The following LMTK2 variants were observed in gnomAD, a reference collection of about 807,000 sequenced individuals.
LMTK2 encodes serine/threonine-protein kinase LMTK2.
A neutral mutation model predicts 127.5 loss-of-function variants in LMTK2; 37 were observed. That is an observed-to-expected ratio of 0.29 (90% CI 0.22 to 0.38). The LOEUF (loss-of-function observed/expected upper bound fraction) is 0.38. LMTK2 is among the 10% of genes least tolerant of loss of function. The pLI is 1.00. For missense variants in LMTK2, 1,694 were observed against 1,920.3 expected (o/e 0.88, Z 2.20); for synonymous variants, 819 against 810.1 (o/e 1.01, Z -0.19).
At position 98,107,022 on chromosome 7, in the gene LMTK2, GC is replaced by G; in HGVS notation, c.-154del. ...CTGGAGCGGCAGGTGCGGACCGGGA[GC>G]CGGACCGAGGTTTGGCAGAAGCAAC... On this transcript the variant is annotated 5_prime_UTR_variant, in exon 1 of 14. An upstream open reading frame in the 5' UTR loses its in-frame stop. Transcript: ENST00000297293. The G allele has an allele frequency of 2.0e-6, 1 of 508,298 alleles. No homozygotes were observed. 31.5% of individuals were successfully genotyped at this position (508,298 alleles called of 1,614,324 possible).
chr7:98,132,260 T>TC (rs1562899845), intron 1 of LMTK2, among the ~76,000 whole-genome samples: 1 of 152,094 alleles, frequency 6.6e-6, no homozygotes, highest in Non-Finnish European at 1.5e-5. Context: ...AACCAACTTT[T>TC]TTTTTTTTGA....
intron 13 of LMTK2, among the ~76,000 whole-genome samples, chr7:98,204,592 C>T (rs1584303966): frequency 6.6e-6 from 1 of 152,294 alleles, no homozygotes; most frequent in Middle Eastern, 3.4e-3. Context: ...GTGCCACTGC[C>T]CTCCAGCATG....
chr7:98,160,664 G>A (rs1042304386), intron 6 of LMTK2, among the ~76,000 whole-genome samples: 1 of 152,154 alleles, frequency 6.6e-6, no homozygotes. Context: ...CTTCTGATTT[G>A]GGGGAAGGAG....
rs933455168 is a variant in LMTK2, at chr7:98,206,689, C to A, written c.*1197C>A. 6.6e-6 allele frequency: 1 copy of A among 152,198 alleles called. No homozygotes were observed. The highest frequency in any genetic ancestry group is 1.5e-5 in the Non-Finnish European group (1 of 68,100). The allele number at this position is 152,198 out of a possible 1,614,324, so 9.4% of individuals were successfully genotyped here. ...TCGACTTGATGATGTGTGCACACTT[C>A]AGGTGGTGGGGACTTGAGCTTTAAA... On this transcript the variant is annotated 3_prime_UTR_variant, in exon 14 of 14. Coordinates refer to ENST00000297293, the MANE Select transcript of LMTK2 (RefSeq NM_014916.4).
chr7:98,205,376 TG>T, intron 13 of LMTK2, 87 bp from the exon 14 acceptor site: 1 of 1,496,094 alleles, frequency 6.7e-7, no homozygotes, highest in African/African-American at 1.4e-5. Context: ...TCCGTTCCTG[TG>T]GTGCAGCGCA....
chr7:98,166,051 C>A (rs1424859485), intron 6 of LMTK2, among the ~76,000 whole-genome samples: 1 of 152,256 alleles, frequency 6.6e-6, no homozygotes, highest in Admixed American at 6.5e-5. Flanking sequence ...TGGCCCTCCC[C>A]ACGCCTGGCT....
chr7:98,189,555 A>AGT (rs969811092), intron 9 of LMTK2, among the ~76,000 whole-genome samples: 4 of 152,144 alleles, frequency 2.6e-5, no homozygotes, highest in Admixed American at 6.5e-5. Flanking sequence ...CTGACCTAGC[A>AGT]GTGTGTGTGT....
chr7:98,191,925 A>T lies in LMTK2; in HGVS notation c.1460A>T (p.Asp487Val), dbSNP rs773741738. ...VWEAAKHDHF[D>V]ERSRGHLDEG... ...GAGGCCGCTAAGCACGACCACTTTG[A>T]CGAGCGCAGCCGGGGCCACCTGGAC... The change falls in exon 11 of 14, where the codon GAC becomes GTC. Residue 487 changes from aspartate (D) to valine (V), a missense_variant. By Grantham distance (152) the Asp-to-Val change is radical. Transcript: ENST00000297293. 1 of 1,614,042 alleles carries T rather than the reference A, an allele frequency of 6.2e-7. No homozygotes were observed. Among genetic ancestry groups the T allele is most frequent in the South Asian group, 1.1e-5 (1 of 91,078 alleles).
chr7:98,205,250 C>G (rs1240379290), intron 13 of LMTK2, among the ~76,000 whole-genome samples: 1 of 152,264 alleles, frequency 6.6e-6, no homozygotes, highest in Non-Finnish European at 1.5e-5. Context: ...CACCCTGACC[C>G]TTAGCGCCCA....
chr7:98,166,480 G>A (rs1216158157), intron 6 of LMTK2, among the ~76,000 whole-genome samples: 1 of 152,190 alleles, frequency 6.6e-6, no homozygotes, highest in Non-Finnish European at 1.5e-5. Flanking sequence ...TGTGCAATGT[G>A]TTTTTGTTTT....
chr7:98,125,558 A>G (rs760188164), intron 1 of LMTK2, among the ~76,000 whole-genome samples: 2 of 152,144 alleles, frequency 1.3e-5, no homozygotes, highest in Non-Finnish European at 2.9e-5. Flanking sequence ...CTGCGCAGCC[A>G]TTTCAGTAGG....
At chr7:98,201,606 G>GTTTTGTTTTT (rs1797705670) in intron 11 of LMTK2, among the ~76,000 whole-genome samples, 1 of 151,746 alleles carries the variant, frequency 6.6e-6, no homozygotes. Flanking sequence ...TGTGTGTTTT[G>GTTTTGTTTTT]TTTTGTTTTG....
intron 11 of LMTK2, among the ~76,000 whole-genome samples, chr7:98,201,031 C>CT (rs932231794): frequency 8.6e-5 from 13 of 151,756 alleles, no homozygotes; most frequent in African/African-American, 2.9e-4. Context: ...TCTTTTCTCT[C>CT]TTTTTTTTAA....
intron 2 of LMTK2, among the ~76,000 whole-genome samples, chr7:98,138,564 G>A (rs1796629955): frequency 2.0e-5 from 3 of 152,234 alleles, no homozygotes; most frequent in South Asian, 4.2e-4. Flanking sequence ...CAGTCCCTAG[G>A]CCTTAGAACC....
chr7:98,156,369 G>A (rs887153918), intron 5 of LMTK2, among the ~76,000 whole-genome samples: 1 of 152,028 alleles, frequency 6.6e-6, no homozygotes, highest in Non-Finnish European at 1.5e-5. Context: ...GGAGGCTGAG[G>A]CAGGAAAATG....
intron 10 of LMTK2, among the ~76,000 whole-genome samples, chr7:98,191,083 A>C (rs1797516244): frequency 6.6e-6 from 1 of 152,090 alleles, no homozygotes; most frequent in African/African-American, 2.4e-5. Context: ...GGTCCTTGTA[A>C]ATTCTTTTCA....
chr7:98,133,801 G>C (rs1398757682), intron 1 of LMTK2, among the ~76,000 whole-genome samples: 1 of 152,108 alleles, frequency 6.6e-6, no homozygotes, highest in Non-Finnish European at 1.5e-5. Flanking sequence ...TACCTATCTA[G>C]TGACTCACAG....
At chr7:98,204,670 G>A (rs1219592826) in intron 13 of LMTK2, among the ~76,000 whole-genome samples, 3 of 152,112 alleles carry the variant, frequency 2.0e-5, no homozygotes, top group Non-Finnish European at 4.4e-5. Flanking sequence ...GTGTGCTCTC[G>A]GGGCCATGCC....
intron 11 of LMTK2, among the ~76,000 whole-genome samples, chr7:98,202,198 T>C (rs1444742287): frequency 2.6e-5 from 4 of 152,158 alleles, no homozygotes; most frequent in Admixed American, 2.6e-4. Context: ...TCCTTCGTCA[T>C]CTCCATTATG....
Sources: gnomAD v4.1 joint callset for allele counts (sites outside exome capture counted in the v4.1 genomes callset) on GRCh38, gnomAD v4.1.1 for gene constraint, MANE v1.5 for transcripts, NCBI Gene and HGNC (gene_info 2026-07-23, HGNC 2026-07-21) for gene names.